The following EHD3 variants were observed in gnomAD, a reference collection of about 807,000 sequenced individuals.
EHD3 encodes EH domain-containing protein 3.
Under a neutral mutation model 43.0 loss-of-function variants are expected in EHD3, and 17 were observed. The ratio of observed to expected loss-of-function variants is 0.40; its 90% confidence interval spans 0.27 to 0.59. The LOEUF is 0.59. EHD3 is among the 20% of genes least tolerant of loss of function. The pLI is 0.49. For missense variants in EHD3, 594 were observed against 705.6 expected, an observed-to-expected ratio of 0.84 and a Z score of 1.79; for synonymous variants, 313 against 289.5, an observed-to-expected ratio of 1.08 and a Z score of -0.82.
rs1044007377 is a variant in EHD3 at position 31,261,538 on chromosome 2, C to T, written c.916-11C>T. Reference sequence around the variant, plus strand: ...TTGATGTGAAGGCTTCTCTCTGGCCCTGTTTGTCAGGTCCACGCCTACATC... The same window carrying T: ...TTGATGTGAAGGCTTCTCTCTGGCCTTGTTTGTCAGGTCCACGCCTACATC... On this transcript the variant is annotated splice_polypyrimidine_tract_variant and intron_variant, in intron 4 of 5. Coordinates refer to ENST00000322054, the MANE Select transcript of EHD3 (RefSeq NM_014600.3). The T allele has an allele frequency of 1.2e-6, 2 of 1,613,920 alleles. No homozygotes were observed. The highest frequency in any genetic ancestry group is 1.3e-5 in the African/African-American group (1 of 74,928).
chr2:31,250,871 T>C lies in EHD3; in HGVS notation c.502+1403T>C, dbSNP rs1271248299. ...GAAGCAGCTAGAACTCTTGCCTGAA[T>C]GGACCTAGGTAGGTGACTGTCTGCA... On this transcript the variant is annotated intron_variant, in intron 3 of 5. Coordinates refer to ENST00000322054, the MANE Select transcript of EHD3 (RefSeq NM_014600.3). 2.0e-5 allele frequency among the ~76,000 whole-genome samples: 3 copies of C among 152,234 alleles called. No homozygotes were observed. The East Asian group carries it at 5.8e-4, about 29-fold the overall frequency.
intron 3 of EHD3, among the ~76,000 whole-genome samples, chr2:31,256,322 C>A (rs553765753): frequency 6.6e-6 from 1 of 152,340 alleles, no homozygotes; most frequent in Non-Finnish European, 1.5e-5. Context: ...TTTAGATCCT[C>A]ACAATAACCC....
At chr2:31,246,407 G>A (rs948873900) in intron 2 of EHD3, among the ~76,000 whole-genome samples, 2 of 152,040 alleles carry the variant, frequency 1.3e-5, no homozygotes, top group African/African-American at 2.4e-5. Flanking sequence ...GAGGAGCATC[G>A]TCCTATCTGA....
chr2:31,243,447 TCTTTCTTTC>T lies in EHD3; in HGVS notation c.228-826_228-818del, dbSNP rs1355993676. Among the ~76,000 whole-genome samples, 162 of 90,980 alleles carry T rather than the reference TCTTTCTTTC, an allele frequency of 1.8e-3. 2 individuals are homozygous for T. Among genetic ancestry groups the T allele is most frequent in the African/African-American group, 6.7e-3 (143 of 21,392 alleles). 59.7% of individuals were successfully genotyped at this position (90,980 alleles called of 152,430 possible). A position where few individuals can be genotyped will look rare whatever the true frequency, so the allele number is the denominator to read the frequency against. On this transcript the variant is annotated intron_variant, in intron 1 of 5. Coordinates refer to ENST00000322054, the MANE Select transcript of EHD3 (RefSeq NM_014600.3). ...TTCTTTCTTTCTTTCTTTCTTTCTT[TCTTTCTTTC>T]TTTCTTTTTTTTTTTTTGAGACAGA...
chr2:31,234,215 G>T lies in EHD3; in HGVS notation c.-407G>T, dbSNP rs939212494. The T allele has an allele frequency of 8.1e-6, 2 of 246,566 alleles. No homozygotes were observed. The highest frequency in any genetic ancestry group is 4.6e-5 in the South Asian group (1 of 21,574). The allele number at this position is 246,566 out of a possible 1,614,324, so 15.3% of individuals were successfully genotyped here. On this transcript the variant is annotated 5_prime_UTR_variant, in exon 1 of 6. Transcript: ENST00000322054. Reference sequence around the variant, plus strand: ...GTCGCCGTCTCCCCTGAGCCGCCTCGGTCCGGCAGGAGCGGAGCCGAAGCA... The same window carrying T: ...GTCGCCGTCTCCCCTGAGCCGCCTCTGTCCGGCAGGAGCGGAGCCGAAGCA...
Position 31,261,619 on chromosome 2 carries a change from A to G in EHD3, c.986A>G (p.Lys329Arg), listed in dbSNP as rs745837697. ...PSVFGKDNKK[K>R]ELVNNLAEIY... ...GTGTTCGGGAAGGACAACAAGAAGA[A>G]GGAGCTGGTCAACAACCTGGCCGAG... The change falls in exon 5 of 6, where the codon AAG becomes AGG. Residue 329 changes from lysine (K) to arginine (R), a missense_variant. Lys to Arg is a conservative substitution (Grantham distance 26). Around this residue, in one of 3 missense-constraint regions of EHD3, gnomAD observed 322 missense variants for 348.0 expected, o/e 0.93. Transcript: ENST00000322054. 14 of 1,614,100 alleles carry G rather than the reference A, an allele frequency of 8.7e-6. No individual in the cohort carries two copies. The highest frequency in any genetic ancestry group is 1.2e-5 in the Non-Finnish European group (14 of 1,180,036).
intron 2 of EHD3, among the ~76,000 whole-genome samples, chr2:31,248,378 CT>C (rs1226235947): frequency 6.6e-6 from 1 of 152,210 alleles, no homozygotes; most frequent in Non-Finnish European, 1.5e-5. Context: ...ATCTCTCTGC[CT>C]TGAATCTTCC....
rs144717418 is a variant in EHD3 at position 31,266,288 on chromosome 2, C to T, written c.1192C>T (p.Arg398Cys). The change falls in exon 6 of 6, where the codon CGC (arginine) becomes TGC (cysteine). Residue 398 changes from arginine to cysteine, a missense_variant. Coordinates refer to ENST00000322054, the MANE Select transcript of EHD3 (RefSeq NM_014600.3). This position sits in a 1 kb window ranked among gnomAD's most constrained non-coding sequence, Gnocchi z 5.1. Reference protein sequence around the residue: ...HDIAQLMVLVRQEESQRPIQM... With the variant: ...HDIAQLMVLVCQEESQRPIQM... ...CATTGCCCAGCTCATGGTGCTAGTG[C>T]GCCAGGAGGAGTCACAGCGGCCCAT... 2.5e-5 allele frequency: 41 copies of T among 1,614,132 alleles called. No homozygotes were observed. Among genetic ancestry groups the T allele is most frequent in the African/African-American group, 5.3e-5 (4 of 75,034 alleles).
chr2:31,253,176 A>G (rs2148720264), intron 3 of EHD3, among the ~76,000 whole-genome samples: 1 of 115,796 alleles, frequency 8.6e-6, no homozygotes, highest in South Asian at 3.3e-4. Context: ...CCACACCCAC[A>G]CATGCATACA....
chr2:31,252,390 G>A (rs1198459160), intron 3 of EHD3, among the ~76,000 whole-genome samples: 1 of 152,206 alleles, frequency 6.6e-6, no homozygotes, highest in Non-Finnish European at 1.5e-5. Context: ...TATGTGGCAG[G>A]CTGGTTCCCA....
At chr2:31,254,002 C>T (rs1299410601) in intron 3 of EHD3, among the ~76,000 whole-genome samples, 5 of 152,126 alleles carry the variant, frequency 3.3e-5, no homozygotes, top group Non-Finnish European at 5.9e-5. Context: ...TCCCCATAGG[C>T]GCCACCTTAG....
chr2:31,254,944 C>A (rs1290341228), intron 3 of EHD3, among the ~76,000 whole-genome samples: 1 of 152,228 alleles, frequency 6.6e-6, no homozygotes, highest in African/African-American at 2.4e-5. Flanking sequence ...GTATGCTGCC[C>A]TGTGAGGGCC....
chr2:31,257,899 G>T (rs564616438), intron 3 of EHD3, among the ~76,000 whole-genome samples: 7 of 152,060 alleles, frequency 4.6e-5, no homozygotes, highest in African/African-American at 1.7e-4. Context: ...CCTCGATGAC[G>T]CACCCATCAG....
chr2:31,258,065 C>T (rs1572470755), intron 3 of EHD3, among the ~76,000 whole-genome samples: 1 of 152,156 alleles, frequency 6.6e-6, no homozygotes, highest in Non-Finnish European at 1.5e-5. Context: ...GGAGAAGGCT[C>T]AGGTGTTAGT....
chr2:31,243,460 C>CTTTCTTTTT (rs1553402472), intron 1 of EHD3, among the ~76,000 whole-genome samples: 2 of 98,466 alleles, frequency 2.0e-5, no homozygotes, highest in African/African-American at 4.6e-5. Context: ...TTCTTTCTTT[C>CTTTCTTTTT]TTTTTTTTTT....
At position 31,267,808 on chromosome 2, in the gene EHD3, G is replaced by A. The variant is rs145995809; in HGVS notation, c.*1104G>A. On this transcript the variant is annotated 3_prime_UTR_variant, in exon 6 of 6. Coordinates refer to ENST00000322054, the MANE Select transcript of EHD3 (RefSeq NM_014600.3). ...TATGCAGGCCCCCTGCAGCCTCCCA[G>A]GACAGGCTGGCAAGGGAGGAGGGCC... The A allele has an allele frequency of 6.6e-6, 1 of 152,372 alleles. No individual in the cohort carries two copies. Among genetic ancestry groups the A allele is most frequent in the African/African-American group, 2.4e-5 (1 of 41,580 alleles). The allele number at this position is 152,372 out of a possible 1,614,324, so 9.4% of individuals were successfully genotyped here.
chr2:31,237,868 A>G (rs1683350873), intron 1 of EHD3, among the ~76,000 whole-genome samples: 1 of 152,214 alleles, frequency 6.6e-6, no homozygotes, highest in Non-Finnish European at 1.5e-5. Flanking sequence ...CATTGTGTGT[A>G]TATACGATTC....
At position 31,243,420 on chromosome 2, in the gene EHD3, TTTTCTTTCTTTCTTTC is replaced by T. The variant is rs751332290; in HGVS notation, c.228-826_228-811del. On this transcript the variant is annotated intron_variant, in intron 1 of 5. Coordinates refer to ENST00000322054, the MANE Select transcript of EHD3 (RefSeq NM_014600.3). Reference sequence around the variant, plus strand: ...AGGGTAGGATAGGATGGAGATTCATTTTTCTTTCTTTCTTTCTTTCTTTCTTTCTTTCTTTCTTTCT... The same window carrying T: ...AGGGTAGGATAGGATGGAGATTCATTTTTCTTTCTTTCTTTCTTTCTTTCT... Among the ~76,000 whole-genome samples, 40 of 135,512 alleles carry T rather than the reference TTTTCTTTCTTTCTTTC, an allele frequency of 3.0e-4. 1 individual carries two copies. The highest frequency in any genetic ancestry group is 9.6e-4 in the Admixed American group (13 of 13,480). The allele number at this position is 135,512 out of a possible 152,430, so 88.9% of individuals were successfully genotyped here.
chr2:31,238,171 C>A (rs1218621965), intron 1 of EHD3, among the ~76,000 whole-genome samples: 2 of 152,172 alleles, frequency 1.3e-5, no homozygotes, highest in African/African-American at 4.8e-5. Flanking sequence ...TTCCCCATTG[C>A]GAGTAAGGCT....
Sources: gnomAD v4.1 joint callset for allele counts (sites outside exome capture counted in the v4.1 genomes callset) on GRCh38, gnomAD v4.1.1 for gene constraint, gnomAD v4.1.1 regional missense constraint, Gnocchi (gnomAD v3.1) non-coding constraint, MANE v1.5 for transcripts, NCBI Gene and HGNC (gene_info 2026-07-23, HGNC 2026-07-21) for gene names.